ETS1: variants seen among roughly 807,000 people sequenced by gnomAD.
ETS1 encodes protein C-ets-1.
Under a neutral mutation model 58.6 loss-of-function variants are expected in ETS1, and 15 were observed. The observed-to-expected ratio is 0.26, with a 90% CI of 0.17 to 0.39. ETS1 has a LOEUF of 0.39. Among genes scored for constraint, ETS1 ranks in the 10% least tolerant of loss-of-function variants. The pLI is 1.00. For synonymous variants in ETS1, 214 were observed against 218.2 expected, an observed-to-expected ratio of 0.98 and a Z score of 0.17; for missense variants, 417 against 610.5, an observed-to-expected ratio of 0.68 and a Z score of 3.34.
Position 128,463,008 on chromosome 11 carries a change from C to T in ETS1, c.1243-432G>A, listed in dbSNP as rs980883293. 7.2e-5 allele frequency among the ~76,000 whole-genome samples: 11 copies of T among 152,104 alleles called. No homozygotes were observed. The highest frequency in any genetic ancestry group is 2.7e-4 in the African/African-American group (11 of 41,416). ...TCATCAACAGGAAGTGTTTTTTTTC[C>T]ATACCAGGGCACAAATATTTTCTCA... On this transcript the variant is annotated intron_variant, in intron 9 of 9. Coordinates refer to ENST00000392668, the MANE Select transcript of ETS1 (RefSeq NM_001143820.2). This position sits in a 1 kb window ranked among gnomAD's most constrained non-coding sequence, Gnocchi z 4.1.
chr11:128,517,204 G>C (rs953899101), intron 3 of ETS1, among the ~76,000 whole-genome samples: 2 of 152,212 alleles, frequency 1.3e-5, no homozygotes, highest in Admixed American at 1.3e-4. Flanking sequence ...TCAGCTCAGG[G>C]GGCTCTTGCA....
intron 3 of ETS1, among the ~76,000 whole-genome samples, chr11:128,525,049 A>G (rs1191861800): frequency 6.6e-6 from 1 of 152,082 alleles, no homozygotes; most frequent in East Asian, 1.9e-4. Context: ...AATCAATCAA[A>G]TAAATACTTC....
intron 3 of ETS1, among the ~76,000 whole-genome samples, chr11:128,552,465 A>T (rs1198971825): frequency 6.6e-6 from 1 of 152,312 alleles, no homozygotes; most frequent in African/African-American, 2.4e-5. Context: ...TGTGTTTCCT[A>T]TGTTCTCTAG....
intron 1 of ETS1, among the ~76,000 whole-genome samples, chr11:128,575,961 T>C (rs1248906824): frequency 6.6e-6 from 1 of 152,202 alleles, no homozygotes; most frequent in Non-Finnish European, 1.5e-5. Flanking sequence ...CTCCCCCTCA[T>C]AGCAACACTC....
intron 3 of ETS1, among the ~76,000 whole-genome samples, chr11:128,521,386 A>G (rs1863663919): frequency 6.6e-6 from 1 of 152,088 alleles, no homozygotes; most frequent in Non-Finnish European, 1.5e-5. Context: ...CGATCTCCTT[A>G]CCCTCAACCC....
chr11:128,579,775 A>C (rs1864827603), intron 1 of ETS1, among the ~76,000 whole-genome samples: 1 of 152,192 alleles, frequency 6.6e-6, no homozygotes, highest in East Asian at 1.9e-4. Flanking sequence ...TACCAAGGCA[A>C]CATCTTTAAT....
Position 128,563,818 on chromosome 11 carries a change from G to A in ETS1, c.70-7383C>T, listed in dbSNP as rs548166210. Among the ~76,000 whole-genome samples, 176 of 152,324 alleles carry A rather than the reference G, an allele frequency of 1.2e-3. 3 individuals are homozygous for A. Among genetic ancestry groups the A allele is most frequent in the African/African-American group, 4.2e-3 (176 of 41,582 alleles). On this transcript the variant is annotated intron_variant, in intron 2 of 9. Coordinates refer to ENST00000392668, the MANE Select transcript of ETS1 (RefSeq NM_001143820.2). ...AGTAGAGAACAGTGAAGCTCAGTAA[G>A]AGTCTTGCTACTGAACAGTTATAGG...
At chr11:128,557,868 C>A (rs1000469908) in intron 2 of ETS1, among the ~76,000 whole-genome samples, 1 of 152,188 alleles carries the variant, frequency 6.6e-6, no homozygotes, top group South Asian at 2.1e-4. Context: ...GAACTTACGT[C>A]TTCTCTTCTT....
intron 1 of ETS1, among the ~76,000 whole-genome samples, chr11:128,585,672 G>A (rs1865018628): frequency 6.6e-6 from 1 of 152,130 alleles, no homozygotes; most frequent in Non-Finnish European, 1.5e-5. Flanking sequence ...TGACCTCACT[G>A]GCACTCTGAT....
At chr11:128,543,923 A>C (rs556115389) in intron 3 of ETS1, among the ~76,000 whole-genome samples, 1 of 152,258 alleles carries the variant, frequency 6.6e-6, no homozygotes, top group African/African-American at 2.4e-5. Context: ...TCTTCAGTGG[A>C]TCTAAAAAAC....
chr11:128,490,345 G>T, intron 4 of ETS1, 112 bp downstream of exon 4: 1 of 1,101,792 alleles, frequency 9.1e-7, no homozygotes, highest in Non-Finnish European at 1.3e-6. Flanking sequence ...GCCCATAGCT[G>T]CTGACTCCAA....
At chr11:128,471,206 AGGG>A (rs1862179570) in intron 8 of ETS1, among the ~76,000 whole-genome samples, 1 of 152,232 alleles carries the variant, frequency 6.6e-6, no homozygotes, top group Non-Finnish European at 1.5e-5. Flanking sequence ...TCCAGCCATC[AGGG>A]CCCAAGACAG....
chr11:128,515,896 T>C (rs1188356922), intron 3 of ETS1, among the ~76,000 whole-genome samples: 1 of 152,152 alleles, frequency 6.6e-6, no homozygotes, highest in Admixed American at 6.5e-5. Context: ...ATTTGAAGTG[T>C]CAAGTGACAG....
intron 3 of ETS1, among the ~76,000 whole-genome samples, chr11:128,551,524 A>T (rs1235699740): frequency 2.6e-5 from 4 of 152,250 alleles, no homozygotes; most frequent in African/African-American, 9.6e-5. Context: ...ATCCAAAGCC[A>T]CACATTAATA....
chr11:128,532,295 C>T (rs974313971), intron 3 of ETS1, among the ~76,000 whole-genome samples: 1 of 152,230 alleles, frequency 6.6e-6, no homozygotes, highest in Non-Finnish European at 1.5e-5. Flanking sequence ...TCTCTTATTG[C>T]CCCTTGGGCC....
intron 3 of ETS1, among the ~76,000 whole-genome samples, chr11:128,546,340 G>A (rs181683259): frequency 2.6e-4 from 40 of 152,332 alleles, no homozygotes; most frequent in Non-Finnish European, 4.7e-4. Context: ...CACTGAAAGA[G>A]TCTGTAGCAT....
chr11:128,564,643 C>T (rs1864460735), intron 2 of ETS1, among the ~76,000 whole-genome samples: 1 of 152,196 alleles, frequency 6.6e-6, no homozygotes, highest in African/African-American at 2.4e-5. Flanking sequence ...TGGGGACCTG[C>T]AGTTGACACT....
intron 1 of ETS1, among the ~76,000 whole-genome samples, chr11:128,580,477 A>G (rs1864843636): frequency 6.6e-6 from 1 of 152,228 alleles, no homozygotes; most frequent in Non-Finnish European, 1.5e-5. Context: ...TATCTAGGAA[A>G]GCTGAACATT....
chr11:128,586,223 C>A (rs1448230785), intron 1 of ETS1, among the ~76,000 whole-genome samples: 1 of 152,210 alleles, frequency 6.6e-6, no homozygotes, highest in African/African-American at 2.4e-5. Context: ...TTAGAAGCAG[C>A]ATGCTTCTTC....
Sources: gnomAD v4.1 joint callset for allele counts (sites outside exome capture counted in the v4.1 genomes callset) on GRCh38, gnomAD v4.1.1 for gene constraint, Gnocchi (gnomAD v3.1) non-coding constraint, MANE v1.5 for transcripts, NCBI Gene and HGNC (gene_info 2026-07-23, HGNC 2026-07-21) for gene names.